The following SDK1 variants were observed in gnomAD, a reference collection of about 807,000 sequenced individuals.
SDK1 encodes protein sidekick-1.
A neutral mutation model predicts 245.5 loss-of-function variants in SDK1; 157 were observed. That is an observed-to-expected ratio of 0.64 (90% confidence interval 0.56 to 0.73). The LOEUF is 0.73. Ranked by LOEUF, SDK1 falls within the 30% of genes least tolerant of loss-of-function variation. The probability of loss-of-function intolerance (pLI) is 0.00; values close to 1 mark genes in which losing one functional copy is unlikely to be tolerated. For synonymous variants in SDK1, 1,647 were observed against 1,278.5 expected (o/e 1.29, Z -6.15); for missense variants, 3,583 against 3,002.3 (o/e 1.19, Z -4.52).
chr7:3,372,297 C>G (rs1201429833), intron 1 of SDK1, among the ~76,000 whole-genome samples: 1 of 152,130 alleles, frequency 6.6e-6, no homozygotes, highest in African/African-American at 2.4e-5. Context: ...GGCTCCCAAG[C>G]TAGTCCAACA....
intron 1 of SDK1, among the ~76,000 whole-genome samples, chr7:3,352,771 T>A (rs902326259): frequency 6.6e-6 from 1 of 152,172 alleles, no homozygotes; most frequent in Non-Finnish European, 1.5e-5. Flanking sequence ...AAACCCTTTT[T>A]TTTTCTCTTC....
Position 3,619,080 on chromosome 7 carries a change from A to G in SDK1, c.299A>G (p.Asp100Gly), listed in dbSNP as rs761884770. 6.3e-7 allele frequency: 1 copy of G among 1,580,042 alleles called. No homozygotes were observed. The highest frequency in any genetic ancestry group is 1.8e-5 in the Admixed American group (1 of 56,634). The change falls in exon 2 of 45, where the codon GAT becomes GGT. Residue 100 changes from aspartate (D) to glycine (G), a missense_variant and splice_region_variant. Transcript: ENST00000404826. ...QLHLLRALAQDDVAPYFKTEP... is the reference protein window; with the variant it reads ...QLHLLRALAQGDVAPYFKTEP... ...TTTGTTTTGTTTTTTAATATTTCAG[A>G]TGATGTTGCTCCATATTTTAAAACG...
chr7:3,859,859 A>C (rs1780646153), intron 5 of SDK1, among the ~76,000 whole-genome samples: 1 of 150,444 alleles, frequency 6.6e-6, no homozygotes, highest in Admixed American at 6.6e-5. Flanking sequence ...TTAGAAAATA[A>C]TGACGTGTGG....
At chr7:3,343,631 CATT>C (rs763513228) in intron 1 of SDK1, among the ~76,000 whole-genome samples, 3 of 152,130 alleles carry the variant, frequency 2.0e-5, no homozygotes, top group East Asian at 1.9e-4. Context: ...TTCAAAGTGT[CATT>C]GTTGTGGGAA....
chr7:4,216,182 G>C (rs1784783747), intron 38 of SDK1, among the ~76,000 whole-genome samples: 1 of 152,212 alleles, frequency 6.6e-6, no homozygotes. Flanking sequence ...AGGATGCCGG[G>C]ATAGCTTGAA....
At chr7:3,968,782 C>G (rs1342408729) in intron 10 of SDK1, among the ~76,000 whole-genome samples, 1 of 152,172 alleles carries the variant, frequency 6.6e-6, no homozygotes, top group East Asian at 1.9e-4. Flanking sequence ...ACAATTTTCA[C>G]TTTATTCTGA....
chr7:4,009,016 C>T (rs1428802123), intron 14 of SDK1, among the ~76,000 whole-genome samples: 3 of 152,218 alleles, frequency 2.0e-5, no homozygotes, highest in African/African-American at 7.2e-5. Context: ...TCAGAACAAC[C>T]GCGAAATGGG....
At chr7:4,130,921 C>G (rs530405144) in intron 27 of SDK1, among the ~76,000 whole-genome samples, 7 of 152,026 alleles carry the variant, frequency 4.6e-5, no homozygotes, top group Non-Finnish European at 7.4e-5. Context: ...TAAATGAGCC[C>G]GAAAGTCCTC....
chr7:4,183,512 G>A (rs1410522353), intron 35 of SDK1, among the ~76,000 whole-genome samples: 1 of 151,974 alleles, frequency 6.6e-6, no homozygotes, highest in Admixed American at 6.6e-5. Flanking sequence ...GTGCATGCCT[G>A]TAACCCCAGC....
At chr7:3,899,116 C>T (rs536719384) in intron 5 of SDK1, among the ~76,000 whole-genome samples, 2 of 152,298 alleles carry the variant, frequency 1.3e-5, no homozygotes, top group South Asian at 4.1e-4. Flanking sequence ...GTCAGTCTTA[C>T]TGGTGACTTT....
At chr7:3,868,985 A>T (rs1780889786) in intron 5 of SDK1, among the ~76,000 whole-genome samples, 1 of 152,182 alleles carries the variant, frequency 6.6e-6, no homozygotes, top group South Asian at 2.1e-4. Flanking sequence ...CAAAAGGGAA[A>T]TATGAAGTCA....
intron 1 of SDK1, among the ~76,000 whole-genome samples, chr7:3,473,857 T>G (rs1781258898): frequency 6.6e-6 from 1 of 152,052 alleles, no homozygotes; most frequent in South Asian, 2.1e-4. Context: ...TCTAATTTTT[T>G]TTTCCTCTCC....
chr7:3,858,862 TTTTC>T (rs1780613070), intron 5 of SDK1, among the ~76,000 whole-genome samples: 2 of 123,020 alleles, frequency 1.6e-5, no homozygotes, highest in African/African-American at 9.5e-5. Flanking sequence ...TATTTTTCTT[TTTTC>T]TTTTTTTTTT....
chr7:3,756,692 C>A (rs1434442396), intron 4 of SDK1, among the ~76,000 whole-genome samples: 2 of 152,128 alleles, frequency 1.3e-5, no homozygotes, highest in Admixed American at 1.3e-4. Flanking sequence ...CAATCTGTGA[C>A]CATTTTTACT....
chr7:3,607,546 T>C (rs148841036), intron 1 of SDK1, among the ~76,000 whole-genome samples: 2 of 152,258 alleles, frequency 1.3e-5, no homozygotes, highest in East Asian at 1.9e-4. Context: ...TTAAGAAATA[T>C]TTGTTGAATG....
At chr7:3,578,047 T>G (rs1047074963) in intron 1 of SDK1, among the ~76,000 whole-genome samples, 4 of 152,084 alleles carry the variant, frequency 2.6e-5, no homozygotes, top group African/African-American at 9.6e-5. Context: ...CTTCCCTTGT[T>G]TTTTTGTATT....
chr7:3,967,241 G>T (rs541761855), intron 9 of SDK1, 77 bp from the exon 10 acceptor site: 2 of 1,132,254 alleles, frequency 1.8e-6, no homozygotes, highest in Non-Finnish European at 2.7e-6. Flanking sequence ...TCTAAAGCCC[G>T]TGCAGGATAC....
chr7:3,696,263 T>G (rs900516244), intron 4 of SDK1, among the ~76,000 whole-genome samples: 3 of 152,148 alleles, frequency 2.0e-5, no homozygotes, highest in Non-Finnish European at 4.4e-5. Context: ...CATGCTCCAC[T>G]GTGTGATCTT....
intron 22 of SDK1, among the ~76,000 whole-genome samples, chr7:4,107,922 T>C (rs1024428001): frequency 5.3e-5 from 8 of 152,244 alleles, no homozygotes; most frequent in African/African-American, 7.2e-5. Context: ...AATCACTCTT[T>C]TTCTGGGCCT....
Sources: gnomAD v4.1 joint callset for allele counts (sites outside exome capture counted in the v4.1 genomes callset) on GRCh38, gnomAD v4.1.1 for gene constraint, MANE v1.5 for transcripts, NCBI Gene and HGNC (gene_info 2026-07-23, HGNC 2026-07-21) for gene names.